TSHZ2: variants seen among roughly 807,000 people sequenced by gnomAD.
TSHZ2 encodes the protein teashirt zinc finger homeobox 2, also known as teashirt homolog 2.
In TSHZ2, 21 loss-of-function variants were observed where a neutral mutation model predicts 74.4. That is an observed-to-expected ratio of 0.28 (90% confidence interval 0.20 to 0.41). The LOEUF (loss-of-function observed/expected upper bound fraction) is 0.41, where lower values mean the gene tolerates loss of function less well. Among genes scored for constraint, TSHZ2 ranks in the 10% least tolerant of loss-of-function variants. The pLI is 1.00. For missense variants in TSHZ2, 1,244 were observed against 1,293.5 expected (o/e 0.96, Z 0.59); for synonymous variants, 540 against 515.3 (o/e 1.05, Z -0.65).
At chr20:53,372,069 C>G (rs967765143) in intron 2 of TSHZ2, among the ~76,000 whole-genome samples, 8 of 152,038 alleles carry the variant, frequency 5.3e-5, no homozygotes, top group Non-Finnish European at 1.2e-4. Flanking sequence ...TTAGGGCCCA[C>G]CCTAATTGAG....
At chr20:53,220,729 C>T (rs1053000554) in intron 1 of TSHZ2, among the ~76,000 whole-genome samples, 1 of 152,032 alleles carries the variant, frequency 6.6e-6, no homozygotes, top group Non-Finnish European at 1.5e-5. Context: ...CCTGTGGCAC[C>T]TTGTAGGGTA....
At chr20:53,340,446 A>C (rs923484593) in intron 2 of TSHZ2, among the ~76,000 whole-genome samples, 2 of 152,000 alleles carry the variant, frequency 1.3e-5, no homozygotes, top group African/African-American at 4.8e-5. Flanking sequence ...GGCCTCCCAA[A>C]GTGCTGGGAT....
At chr20:53,450,912 C>T (rs1248673672) in intron 2 of TSHZ2, among the ~76,000 whole-genome samples, 1 of 151,026 alleles carries the variant, frequency 6.6e-6, no homozygotes, top group African/African-American at 2.4e-5. Context: ...TATTTAGTTT[C>T]CTCTTTACAG....
At chr20:53,059,921 T>A (rs1487933129) in intron 1 of TSHZ2, among the ~76,000 whole-genome samples, 2 of 152,142 alleles carry the variant, frequency 1.3e-5, no homozygotes, top group African/African-American at 4.8e-5. Flanking sequence ...CCTAGCTTCA[T>A]GACATTTGCA....
intron 2 of TSHZ2, among the ~76,000 whole-genome samples, chr20:53,468,474 TTTG>T (rs770299076): frequency 5.9e-5 from 9 of 152,140 alleles, no homozygotes; most frequent in Non-Finnish European, 1.5e-5. Flanking sequence ...GCCTGACATT[TTTG>T]TTGTTGTTGT....
intron 2 of TSHZ2, among the ~76,000 whole-genome samples, chr20:53,424,984 A>G (rs1983607243): frequency 6.6e-6 from 1 of 152,014 alleles, no homozygotes; most frequent in Non-Finnish European, 1.5e-5. Context: ...ATTTGGGTTG[A>G]CTCCATGTCT....
At chr20:53,165,319 G>A (rs1207383912) in intron 1 of TSHZ2, among the ~76,000 whole-genome samples, 1 of 152,202 alleles carries the variant, frequency 6.6e-6, no homozygotes, top group Admixed American at 6.5e-5. Flanking sequence ...GAAATAACTA[G>A]TAAGTTACAC....
At chr20:53,367,716 G>C (rs1054570446) in intron 2 of TSHZ2, among the ~76,000 whole-genome samples, 1 of 151,892 alleles carries the variant, frequency 6.6e-6, no homozygotes, top group Non-Finnish European at 1.5e-5. Flanking sequence ...GACTACAGGC[G>C]CCTGCCACCA....
chr20:53,373,083 T>C (rs1981536429), intron 2 of TSHZ2, among the ~76,000 whole-genome samples: 2 of 152,204 alleles, frequency 1.3e-5, no homozygotes, highest in South Asian at 4.1e-4. Context: ...CTAAACTTGT[T>C]CTTGTGAGAA....
rs182724125 is a variant in TSHZ2 at position 53,147,962 on chromosome 20, C to A, written c.41-105537C>A. ...AATTCCTGACCTTGCGATCTGCCCG[C>A]CTCAGCCACCTAAAGTGCTGGGATT... On this transcript the variant is annotated intron_variant, in intron 1 of 2. Transcript: ENST00000371497. Among the ~76,000 whole-genome samples, 27 of 152,314 alleles carry A rather than the reference C, an allele frequency of 1.8e-4. No individual in the cohort carries two copies. The East Asian group carries it at 4.1e-3, about 23-fold the overall frequency.
chr20:53,009,211 G>A (rs988729335), intron 1 of TSHZ2, among the ~76,000 whole-genome samples: 3 of 152,046 alleles, frequency 2.0e-5, no homozygotes, highest in African/African-American at 7.2e-5. Flanking sequence ...GGTGGCATGT[G>A]CCTGTGATCC....
chr20:53,428,901 C>T (rs1983743848), intron 2 of TSHZ2, among the ~76,000 whole-genome samples: 1 of 152,164 alleles, frequency 6.6e-6, no homozygotes, highest in South Asian at 2.1e-4. Flanking sequence ...TTTCCCTTCA[C>T]TGGCTTGTGC....
chr20:53,001,868 G>A (rs1014494480), intron 1 of TSHZ2, among the ~76,000 whole-genome samples: 3 of 152,212 alleles, frequency 2.0e-5, no homozygotes, highest in Admixed American at 6.5e-5. Flanking sequence ...TGTCTAGAAC[G>A]GAGTTCCTGA....
chr20:53,027,931 T>A (rs557276537), intron 1 of TSHZ2, among the ~76,000 whole-genome samples: 3 of 152,250 alleles, frequency 2.0e-5, no homozygotes, highest in South Asian at 4.2e-4. Context: ...AGGTAGAAAC[T>A]TGATTGCAGC....
At chr20:53,363,906 C>T (rs1355911266) in intron 2 of TSHZ2, among the ~76,000 whole-genome samples, 1 of 152,176 alleles carries the variant, frequency 6.6e-6, no homozygotes, top group Non-Finnish European at 1.5e-5. Context: ...ATTTATGGAG[C>T]ATCTATTCTA....
At chr20:52,977,469 C>T (rs899270644) in intron 1 of TSHZ2, among the ~76,000 whole-genome samples, 7 of 136,004 alleles carry the variant, frequency 5.1e-5, no homozygotes, top group Non-Finnish European at 8.0e-5. Context: ...CACACACACA[C>T]GCATGGACAC....
chr20:53,119,995 A>G (rs1222303817), intron 1 of TSHZ2, among the ~76,000 whole-genome samples: 1 of 152,214 alleles, frequency 6.6e-6, no homozygotes, highest in Non-Finnish European at 1.5e-5. Flanking sequence ...GTTTTTAATA[A>G]GGCCCTCTAA....
At chr20:53,426,633 C>T (rs181608106) in intron 2 of TSHZ2, among the ~76,000 whole-genome samples, 20 of 152,226 alleles carry the variant, frequency 1.3e-4, no homozygotes, top group Non-Finnish European at 1.8e-4. Flanking sequence ...AGTTTCAGCG[C>T]GTTTTCTGCC....
chr20:53,221,042 G>C (rs1989542392), intron 1 of TSHZ2, among the ~76,000 whole-genome samples: 2 of 152,218 alleles, frequency 1.3e-5, no homozygotes, highest in African/African-American at 4.8e-5. Context: ...CCCAGTAGGA[G>C]ATAACTGAAT....
Sources: allele counts gnomAD v4.1 joint callset (sites outside exome capture counted in the v4.1 genomes callset), GRCh38; gene constraint gnomAD v4.1.1; transcripts MANE v1.5; gene names NCBI Gene and HGNC (gene_info 2026-07-23, HGNC 2026-07-21).